DPY19L2: variants seen among roughly 807,000 people sequenced by gnomAD.
DPY19L2 encodes probable C-mannosyltransferase DPY19L2.
Under a neutral mutation model 97.9 loss-of-function variants are expected in DPY19L2, and 34 were observed. The ratio of observed to expected loss-of-function variants is 0.35; its 90% CI spans 0.26 to 0.46. DPY19L2 has a LOEUF of 0.46. Ranked by LOEUF, DPY19L2 falls within the 20% of genes least tolerant of loss-of-function variation. The pLI is 1.00. For synonymous variants in DPY19L2, 230 were observed against 307.9 expected (o/e 0.75, Z 2.65); for missense variants, 623 against 911.4 (o/e 0.68, Z 4.07).
At chr12:63,574,723 T>C (rs1329143924) in intron 19 of DPY19L2, among the ~76,000 whole-genome samples, 1 of 152,062 alleles carries the variant, frequency 6.6e-6, no homozygotes, top group African/African-American at 2.4e-5. Context: ...AAAGTCATTA[T>C]ATAATGATAA....
intron 4 of DPY19L2, among the ~76,000 whole-genome samples, chr12:63,657,052 T>G (rs1383316917): frequency 6.6e-6 from 1 of 152,206 alleles, no homozygotes; most frequent in Non-Finnish European, 1.5e-5. Context: ...GGACTGTGCT[T>G]TTTCTTACCT....
intron 16 of DPY19L2, among the ~76,000 whole-genome samples, chr12:63,584,542 T>C (rs28535773): frequency 1.3e-5 from 2 of 152,262 alleles, no homozygotes; most frequent in East Asian, 3.9e-4. Context: ...CCATACTGAA[T>C]AGTGAAATCT....
chr12:63,601,702 G>A (rs1398172643), intron 12 of DPY19L2, among the ~76,000 whole-genome samples: 1 of 152,028 alleles, frequency 6.6e-6, no homozygotes, highest in East Asian at 1.9e-4. Context: ...ATTGGTAAAT[G>A]GGAGTACAGA....
chr12:63,617,465 C>T, intron 10 of DPY19L2, 75 bp from the exon 11 acceptor site: 3 of 945,158 alleles, frequency 3.2e-6, no homozygotes, highest in South Asian at 1.6e-5. Flanking sequence ...AGGTATATAG[C>T]CATTTCTAAT....
At chr12:63,657,812 T>C (rs1427927098) in intron 4 of DPY19L2, among the ~76,000 whole-genome samples, 1 of 152,136 alleles carries the variant, frequency 6.6e-6, no homozygotes, top group Non-Finnish European at 1.5e-5. Context: ...TCACATTTCA[T>C]ACCAGCTCAC....
rs370595717 is a variant in DPY19L2 at position 63,560,657 on chromosome 12, C to T, written c.2132G>A (p.Gly711Asp). The change falls in exon 22 of 22, where the codon GGT becomes GAT. Residue 711 changes from glycine to aspartate, a missense_variant. Transcript: ENST00000324472. ...ATCCCAGATTTCAAGCATACTGCAA[C>T]CAGGCCTGAAAAAAGACAGACATAT... is the stretch of plus-strand genomic sequence containing the variant. ...EAWCVVRTKPGCSMLEIWDVE... is the reference protein window; with the variant it reads ...EAWCVVRTKPDCSMLEIWDVE... 28 of 1,613,772 alleles carry T rather than the reference C, an allele frequency of 1.7e-5. No homozygotes were observed. The highest frequency in any genetic ancestry group is 2.4e-5 in the Non-Finnish European group (28 of 1,179,842).
chr12:63,586,192 A>C (rs1252548425), intron 16 of DPY19L2, among the ~76,000 whole-genome samples: 1 of 152,198 alleles, frequency 6.6e-6, no homozygotes, highest in Non-Finnish European at 1.5e-5. Context: ...TAGAACACAA[A>C]GAAGCAATGT....
intron 19 of DPY19L2, among the ~76,000 whole-genome samples, chr12:63,573,300 C>T (rs569255713): frequency 2.0e-5 from 3 of 151,792 alleles, no homozygotes; most frequent in Non-Finnish European, 4.4e-5. Flanking sequence ...AAAAATGCAA[C>T]TGACATACTG....
chr12:63,630,530 A>C (rs1890415950), intron 6 of DPY19L2, among the ~76,000 whole-genome samples: 1 of 152,186 alleles, frequency 6.6e-6, no homozygotes, highest in Non-Finnish European at 1.5e-5. Flanking sequence ...TCCTAAATAT[A>C]TATGCACCCA....
rs76083203 is a variant in DPY19L2, at chr12:63,631,608, G to C, written c.804-5082C>G. 1.7e-3 allele frequency among the ~76,000 whole-genome samples: 266 copies of C among 152,228 alleles called. 2 individuals carry two copies. Among genetic ancestry groups the C allele is most frequent in the African/African-American group, 6.3e-3 (260 of 41,524 alleles). On this transcript the variant is annotated intron_variant, in intron 6 of 21. Coordinates refer to ENST00000324472, the MANE Select transcript of DPY19L2 (RefSeq NM_173812.5). ...ACCAAAAAAAGTCCAGGACCAGACA[G>C]AGTCACAGCCCAATTCTACTAGAGG...
rs1884511281 is a variant in DPY19L2, at chr12:63,597,892, T to C, written c.1378A>G (p.Ile460Val). The change falls in exon 14 of 22, where the codon ATA becomes GTA. Residue 460 changes from isoleucine (I) to valine (V), a missense_variant. Ile to Val is a conservative substitution (Grantham distance 29). This residue lies in a region of DPY19L2 where 294 missense variants were observed against 446.2 expected (regional missense o/e 0.66). Transcript: ENST00000324472. ...GTATACCTTAAGATTCTGGCTGCTA[T>C]AAGATCACTCAGGCGAATCTGGGAG... ...VSDHIRLSDL[I>V]AARILRYTDF... is the part of the protein sequence containing the mutation. The C allele has an allele frequency of 6.3e-7, 1 of 1,599,616 alleles. No individual in the cohort carries two copies. Among genetic ancestry groups the C allele is most frequent in the Non-Finnish European group, 8.5e-7 (1 of 1,175,728 alleles).
At chr12:63,665,704 A>G in intron 2 of DPY19L2, 131 bp downstream of exon 2, 1 of 737,966 alleles carries the variant, frequency 1.4e-6, no homozygotes, top group Non-Finnish European at 2.2e-6. Context: ...AGCAAAATAC[A>G]TGTATAAATT....
At position 63,658,372 on chromosome 12, in the gene DPY19L2, G is replaced by A. The variant is rs1185050715; in HGVS notation, c.588+2972C>T. Reference sequence around the variant, plus strand: ...TAGCCAGGCGTGGTGGCGCACATCTGTAATCCCAGCTATTCGGAGGCTGAG... The same window carrying A: ...TAGCCAGGCGTGGTGGCGCACATCTATAATCCCAGCTATTCGGAGGCTGAG... On this transcript the variant is annotated intron_variant, in intron 4 of 21. Coordinates refer to ENST00000324472, the MANE Select transcript of DPY19L2 (RefSeq NM_173812.5). Among the ~76,000 whole-genome samples, 3 of 152,190 alleles carry A rather than the reference G, an allele frequency of 2.0e-5. No individual in the cohort carries two copies. The East Asian group carries it at 5.8e-4, about 29-fold the overall frequency.
intron 16 of DPY19L2, chr12:63,590,986 A>G: frequency 2.2e-6 from 1 of 448,436 alleles, no homozygotes; most frequent in Non-Finnish European, 4.5e-6. Flanking sequence ...ATATGAAGAC[A>G]GTTGCCACAT....
intron 4 of DPY19L2, among the ~76,000 whole-genome samples, chr12:63,658,323 C>T (rs1301907728): frequency 2.6e-5 from 4 of 152,006 alleles, no homozygotes; most frequent in African/African-American, 7.2e-5. Flanking sequence ...GGTGAAACCC[C>T]GTTTCTACTA....
chr12:63,647,108 A>T, intron 5 of DPY19L2, 137 bp downstream of exon 5: 1 of 787,092 alleles, frequency 1.3e-6, no homozygotes, highest in Non-Finnish European at 1.7e-6. Flanking sequence ...AAAATGTAAA[A>T]TACTCATTGA....
At chr12:63,596,283 T>A (rs1405895250) in intron 14 of DPY19L2, among the ~76,000 whole-genome samples, 1 of 152,044 alleles carries the variant, frequency 6.6e-6, no homozygotes, top group African/African-American at 2.4e-5. Context: ...AAACTAGAAT[T>A]GCTATATCTA....
chr12:63,667,424 T>C (rs2136174739), intron 1 of DPY19L2, among the ~76,000 whole-genome samples: 2 of 152,166 alleles, frequency 1.3e-5, no homozygotes, highest in African/African-American at 4.8e-5. Context: ...AATGATATGG[T>C]GTAACGATGC....
chr12:63,580,561 A>T, intron 19 of DPY19L2, 101 bp downstream of exon 19: 2 of 1,245,088 alleles, frequency 1.6e-6, no homozygotes, highest in Non-Finnish European at 2.2e-6. Flanking sequence ...TGTCATACAC[A>T]CATACACACA....
Sources: gnomAD v4.1 joint callset for allele counts (sites outside exome capture counted in the v4.1 genomes callset) on GRCh38, gnomAD v4.1.1 for gene constraint, gnomAD v4.1.1 regional missense constraint, MANE v1.5 for transcripts, NCBI Gene and HGNC (gene_info 2026-07-23, HGNC 2026-07-21) for gene names.